EEPD1: variants seen among roughly 807,000 people sequenced by gnomAD.
The protein encoded by EEPD1 is endonuclease/exonuclease/phosphatase family domain-containing protein 1.
In EEPD1, 17 loss-of-function variants were observed where a neutral mutation model predicts 46.3. That is an observed-to-expected ratio of 0.37 (90% CI 0.25 to 0.55). The LOEUF (loss-of-function observed/expected upper bound fraction) is 0.55, where lower values mean the gene tolerates loss of function less well. EEPD1 is among the 20% of genes least tolerant of loss of function. EEPD1 has a pLI of 0.83. For missense variants in EEPD1, 673 were observed against 745.6 expected, an observed-to-expected ratio of 0.90 and a Z score of 1.13; for synonymous variants, 313 against 315.6, an observed-to-expected ratio of 0.99 and a Z score of 0.09.
At position 36,218,985 on chromosome 7, in the gene EEPD1, G is replaced by A. The variant is rs141816457; in HGVS notation, c.879-20000G>A. 1.1e-3 allele frequency among the ~76,000 whole-genome samples: 167 copies of A among 152,260 alleles called. 1 individual carries two copies. The highest frequency in any genetic ancestry group is 3.8e-3 in the African/African-American group (159 of 41,552). On this transcript the variant is annotated intron_variant, in intron 2 of 7. Transcript: ENST00000242108. Reference sequence around the variant, plus strand: ...GAAGTGTTAATACTGGGTTTAGGTAGAGCAAGAAAGTGGGGTTTCGGGTTG... The same window carrying A: ...GAAGTGTTAATACTGGGTTTAGGTAAAGCAAGAAAGTGGGGTTTCGGGTTG...
chr7:36,175,509 G>A (rs558270771), intron 2 of EEPD1, among the ~76,000 whole-genome samples: 1 of 152,226 alleles, frequency 6.6e-6, no homozygotes, highest in African/African-American at 2.4e-5. Flanking sequence ...TGGGATTACA[G>A]GGGTGAACCA....
intron 2 of EEPD1, among the ~76,000 whole-genome samples, chr7:36,238,570 T>G (rs1396627917): frequency 6.6e-6 from 1 of 152,246 alleles, no homozygotes; most frequent in Non-Finnish European, 1.5e-5. Flanking sequence ...TGTATCAGAA[T>G]GTTCTTTGTT....
At chr7:36,183,888 T>TTTTTTG (rs3053348) in intron 2 of EEPD1, among the ~76,000 whole-genome samples, 9 of 135,418 alleles carry the variant, frequency 6.6e-5, no homozygotes, top group South Asian at 2.2e-4. Flanking sequence ...TTTTTTTTTT[T>TTTTTTG]ATTTTTAAAA....
chr7:36,189,294 C>T (rs35996243), intron 2 of EEPD1, among the ~76,000 whole-genome samples: 23,742 of 152,098 alleles, frequency 0.16, 2,031 homozygotes, highest in Admixed American at 0.2. Context: ...GATCTGAATT[C>T]TGAAGGACAG....
At chr7:36,292,747 A>G (rs1006737022) in intron 6 of EEPD1, among the ~76,000 whole-genome samples, 1 of 152,012 alleles carries the variant, frequency 6.6e-6, no homozygotes, top group Admixed American at 6.6e-5. Flanking sequence ...ACCTCAGTGG[A>G]TCCCCTGCCT....
intron 2 of EEPD1, among the ~76,000 whole-genome samples, chr7:36,158,007 G>A (rs543400738): frequency 6.6e-6 from 1 of 152,332 alleles, no homozygotes; most frequent in African/African-American, 2.4e-5. Context: ...ATGTGTACCT[G>A]TAATAAAAGA....
chr7:36,187,237 T>A (rs1785375375), intron 2 of EEPD1, among the ~76,000 whole-genome samples: 1 of 152,260 alleles, frequency 6.6e-6, no homozygotes, highest in African/African-American at 2.4e-5. Flanking sequence ...AAAATATTTT[T>A]AAATGGTGGT....
chr7:36,171,419 T>A (rs960472022), intron 2 of EEPD1, among the ~76,000 whole-genome samples: 3 of 152,236 alleles, frequency 2.0e-5, no homozygotes, highest in African/African-American at 7.2e-5. Flanking sequence ...TTAATTTCAC[T>A]TGTACAAAAC....
chr7:36,212,117 C>T (rs572528407), intron 2 of EEPD1, among the ~76,000 whole-genome samples: 1 of 152,130 alleles, frequency 6.6e-6, no homozygotes, highest in Admixed American at 6.5e-5. Context: ...AGATATAGAA[C>T]CTGCACAGAA....
intron 3 of EEPD1, among the ~76,000 whole-genome samples, chr7:36,265,982 C>T (rs746700855): frequency 6.6e-6 from 1 of 152,162 alleles, no homozygotes; most frequent in Non-Finnish European, 1.5e-5. Flanking sequence ...AGTGCAACTC[C>T]GCCTTCTCAG....
In EEPD1 at chr7:36,297,124, C is replaced by A; in HGVS notation, c.1447C>A (p.Pro483Thr). The change falls in exon 7 of 8, where the codon CCT (proline) becomes ACT (threonine). Residue 483 changes from proline to threonine, a missense_variant. By Grantham distance (38) the Pro-to-Thr change is conservative. Coordinates refer to ENST00000242108, the MANE Select transcript of EEPD1 (RefSeq NM_030636.3). Reference sequence around the variant, plus strand: ...CTTCACCAACATCAGCACCAAGAACCCTCAAGGCTCGAAGTCTCTGGACAA... The same window carrying A: ...CTTCACCAACATCAGCACCAAGAACACTCAAGGCTCGAAGTCTCTGGACAA... The part of the protein sequence containing the change: ...HTFTNISTKN[P>T]QGSKSLDNIW... 6.2e-7 allele frequency: 1 copy of A among 1,614,214 alleles called. No individual in the cohort carries two copies. Among genetic ancestry groups the A allele is most frequent in the Non-Finnish European group, 8.5e-7 (1 of 1,180,038 alleles).
chr7:36,284,803 T>C lies in EEPD1; in HGVS notation c.1159T>C (p.Tyr387His). 3 of 1,555,448 alleles carry C rather than the reference T, an allele frequency of 1.9e-6. No homozygotes were observed. Among genetic ancestry groups the C allele is most frequent in the Non-Finnish European group, 2.6e-6 (3 of 1,149,576 alleles). Residue 387 changes from tyrosine (Y) to histidine (H), a missense_variant, in exon 5 of 8, where the codon TAC (tyrosine) becomes CAC (histidine). Transcript: ENST00000242108. ...GHGKLAGPSP[Y>H]LGRFKVGSHD... is the part of the protein sequence containing the mutation. ...CGGGAAGCTGGCGGGCCCCAGCCCA[T>C]ACCTCGGGAGGTTCAAGGTACCCGC...
At chr7:36,196,657 G>T (rs1214479286) in intron 2 of EEPD1, among the ~76,000 whole-genome samples, 1 of 152,230 alleles carries the variant, frequency 6.6e-6, no homozygotes, top group African/African-American at 2.4e-5. Flanking sequence ...CGAGTGATCT[G>T]CCAGCCTCGG....
chr7:36,180,454 C>T (rs1486514213), intron 2 of EEPD1, among the ~76,000 whole-genome samples: 4 of 152,174 alleles, frequency 2.6e-5, no homozygotes, highest in Non-Finnish European at 4.4e-5. Context: ...GAAACCAGGG[C>T]CATCGTGCCC....
chr7:36,232,727 G>T (rs1468772566), intron 2 of EEPD1, among the ~76,000 whole-genome samples: 4 of 151,060 alleles, frequency 2.6e-5, no homozygotes, highest in South Asian at 2.1e-4. Flanking sequence ...GAGGCTGGGG[G>T]GTTGGAGGGT....
At chr7:36,287,947 C>A (rs1195614344) in intron 6 of EEPD1, among the ~76,000 whole-genome samples, 170 bp downstream of exon 6, 1 of 152,200 alleles carries the variant, frequency 6.6e-6, no homozygotes, top group African/African-American at 2.4e-5. Flanking sequence ...TGACCCTGCA[C>A]GGCCACATCT....
At chr7:36,254,775 T>G (rs1296941774) in intron 3 of EEPD1, among the ~76,000 whole-genome samples, 3 of 152,220 alleles carry the variant, frequency 2.0e-5, no homozygotes, top group Non-Finnish European at 4.4e-5. Flanking sequence ...CATTGCTATT[T>G]CTCCACATCC....
intron 2 of EEPD1, among the ~76,000 whole-genome samples, chr7:36,191,458 C>T (rs1053610647): frequency 1.3e-5 from 2 of 152,168 alleles, no homozygotes; most frequent in African/African-American, 4.8e-5. Flanking sequence ...GGCAGAGATG[C>T]TGTGGTAGAC....
chr7:36,252,386 G>C (rs953978664), intron 3 of EEPD1, among the ~76,000 whole-genome samples: 3 of 152,144 alleles, frequency 2.0e-5, no homozygotes, highest in African/African-American at 7.2e-5. Flanking sequence ...GCATCAACTA[G>C]AGAGAGTTTT....
Sources: gnomAD v4.1 joint callset for allele counts (sites outside exome capture counted in the v4.1 genomes callset) on GRCh38, gnomAD v4.1.1 for gene constraint, MANE v1.5 for transcripts, NCBI Gene and HGNC (gene_info 2026-07-23, HGNC 2026-07-21) for gene names.